CR1: variants seen among roughly 807,000 people sequenced by gnomAD.
CR1 encodes the protein complement receptor type 1.
Under a neutral mutation model 187.3 loss-of-function variants are expected in CR1, and 116 were observed. That is an observed-to-expected ratio of 0.62 (90% CI 0.53 to 0.72). The LOEUF is 0.72. Ranked by LOEUF, CR1 falls within the 30% of genes least tolerant of loss-of-function variation. CR1 has a pLI of 0.00. For missense variants in CR1, 1,731 were observed against 2,110.7 expected (o/e 0.82, Z 3.52); for synonymous variants, 576 against 747.1 (o/e 0.77, Z 3.73).
intron 1 of CR1, among the ~76,000 whole-genome samples, chr1:207,505,538 T>G (rs1176885626): frequency 1.3e-5 from 2 of 152,040 alleles, no homozygotes; most frequent in Admixed American, 6.5e-5. Flanking sequence ...AAAGAGAAGG[T>G]AGAATGGGAA....
intron 28 of CR1, among the ~76,000 whole-genome samples, chr1:207,576,481 T>C (rs1182589599): frequency 6.6e-6 from 1 of 152,218 alleles, no homozygotes; most frequent in Non-Finnish European, 1.5e-5. Context: ...GTGCTTTGTC[T>C]TTATTAGTTC....
At chr1:207,497,596 T>G (rs1659128840) in intron 1 of CR1, among the ~76,000 whole-genome samples, 1 of 152,242 alleles carries the variant, frequency 6.6e-6, no homozygotes, top group African/African-American at 2.4e-5. Context: ...AAGTAACCTG[T>G]CAGGTGCAGA....
chr1:207,516,285 C>T (rs1475471432), intron 4 of CR1, among the ~76,000 whole-genome samples: 2 of 152,182 alleles, frequency 1.3e-5, no homozygotes, highest in African/African-American at 2.4e-5. Flanking sequence ...CAATGCGACA[C>T]CACCATGACC....
chr1:207,566,527 G>A (rs1198031116), intron 24 of CR1, among the ~76,000 whole-genome samples: 2 of 149,948 alleles, frequency 1.3e-5, no homozygotes, highest in Non-Finnish European at 2.9e-5. Flanking sequence ...GGTGGGGAGA[G>A]GGACAAGAAA....
At chr1:207,507,119 G>T (rs1417892042) in intron 3 of CR1, 3 of 237,710 alleles carry the variant, frequency 1.3e-5, no homozygotes, top group Non-Finnish European at 2.4e-5. Context: ...AACGCAGAGG[G>T]GACATTGCTG....
chr1:207,617,604 TATATATATAGAG>T (rs1467712477), intron 41 of CR1, among the ~76,000 whole-genome samples: 12 of 22,094 alleles, frequency 5.4e-4, no homozygotes, highest in Non-Finnish European at 6.8e-4. Context: ...TATATATATA[TATATATATAGAG>T]AGAGAGAGAG....
chr1:207,612,348 A>T (rs1440666301), intron 39 of CR1, among the ~76,000 whole-genome samples: 1 of 152,226 alleles, frequency 6.6e-6, no homozygotes. Flanking sequence ...ACATAATTTT[A>T]TAAGAGGTAT....
At chr1:207,625,481 C>T (rs918969952) in intron 45 of CR1, among the ~76,000 whole-genome samples, 25 of 152,334 alleles carry the variant, frequency 1.6e-4, no homozygotes, top group African/African-American at 6.0e-4. Context: ...TGTTTCACTT[C>T]TTGGGATTGT....
chr1:207,498,676 C>T (rs1295492938), intron 1 of CR1, among the ~76,000 whole-genome samples: 1 of 151,704 alleles, frequency 6.6e-6, no homozygotes, highest in African/African-American at 2.4e-5. Flanking sequence ...GTCAGGAGTT[C>T]AAGACCAGCC....
rs567374362 is a variant in CR1 at position 207,505,989 on chromosome 1, G to A, written c.207G>A (p.Leu69=). Residue 69 remains leucine, a synonymous_variant, in exon 2 of 47, where the codon CTG becomes CTA. Transcript: ENST00000367049. ...DEFEFPIGTY[L]NYECRPGYSG... is the part of the protein sequence containing the mutation. The stretch of plus-strand genomic sequence containing the variant: ...TTGAGTTTCCCATTGGGACATATCT[G>A]AACTATGAATGCCGCCCTGGTTATT... The A allele has an allele frequency of 1.8e-5, 29 of 1,613,960 alleles. No homozygotes were observed. The African/African-American group carries it at 3.6e-4, about 20-fold the overall frequency.
At chr1:207,605,477 A>C (rs935599655) in intron 35 of CR1, among the ~76,000 whole-genome samples, 1 of 151,892 alleles carries the variant, frequency 6.6e-6, no homozygotes, top group African/African-American at 2.4e-5. Context: ...ATATACAATT[A>C]TTGTTTGTTC....
At chr1:207,585,194 A>G (rs1248367458) in intron 33 of CR1, among the ~76,000 whole-genome samples, 1 of 152,174 alleles carries the variant, frequency 6.6e-6, no homozygotes, top group African/African-American at 2.4e-5. Context: ...GACGACATGA[A>G]AACATCTGCC....
At chr1:207,522,198 A>T in intron 4 of CR1, among the ~76,000 whole-genome samples, 1 of 152,264 alleles carries the variant, frequency 6.6e-6, no homozygotes, top group Non-Finnish European at 1.5e-5. Context: ...AATTTTTGTC[A>T]TTGTTTCTGC....
chr1:207,497,286 T>C (rs1271345734), intron 1 of CR1, among the ~76,000 whole-genome samples: 1 of 152,204 alleles, frequency 6.6e-6, no homozygotes, highest in Non-Finnish European at 1.5e-5. Flanking sequence ...CTCTTCCTTT[T>C]TCTTAACTTC....
At chr1:207,588,161 C>T (rs1252905316) in intron 34 of CR1, among the ~76,000 whole-genome samples, 1 of 152,034 alleles carries the variant, frequency 6.6e-6, no homozygotes, top group African/African-American at 2.4e-5. Context: ...TCTGCTGTTG[C>T]TGTTGTGTTT....
intron 43 of CR1, 82 bp downstream of exon 43, chr1:207,620,147 G>C (rs919559250): frequency 1.4e-6 from 2 of 1,391,172 alleles, no homozygotes; most frequent in Admixed American, 2.4e-5. Context: ...ATCAAGTGTA[G>C]TGTGATGTTT....
chr1:207,616,924 G>A lies in CR1; in HGVS notation c.6889+122G>A. The A allele has an allele frequency of 1.5e-6, 2 of 1,364,754 alleles. 1 individual carries two copies. The highest frequency in any genetic ancestry group is 2.9e-5 in the South Asian group (2 of 68,716). The allele number at this position is 1,364,754 out of a possible 1,614,324, so 84.5% of individuals were successfully genotyped here. A position where few individuals can be genotyped will look rare whatever the true frequency, so the allele number is the denominator to read the frequency against. ...GGCTTTGCTGTAACTGTCAGAGACA[G>A]AACTACCTCCCAAGTGAATGACAAA... is the stretch of plus-strand genomic sequence containing the variant. On this transcript the variant is annotated intron_variant, in intron 41 of 46. Transcript: ENST00000367049.
intron 35 of CR1, among the ~76,000 whole-genome samples, chr1:207,597,389 G>C (rs1444984891): frequency 6.6e-6 from 1 of 152,050 alleles, no homozygotes; most frequent in East Asian, 1.9e-4. Context: ...AATCAAGGAG[G>C]CACAAGACCT....
chr1:207,605,964 A>G (rs999039216), intron 35 of CR1: 3 of 152,226 alleles, frequency 2.0e-5, no homozygotes, highest in Non-Finnish European at 4.4e-5. Flanking sequence ...AAGAGCTGGT[A>G]TATCAGTTAG....
Sources: gnomAD v4.1 joint callset for allele counts (sites outside exome capture counted in the v4.1 genomes callset) on GRCh38, gnomAD v4.1.1 for gene constraint, MANE v1.5 for transcripts, NCBI Gene and HGNC (gene_info 2026-07-23, HGNC 2026-07-21) for gene names.